The following CR1L variants were observed in gnomAD, a reference collection of about 807,000 sequenced individuals.
The protein encoded by CR1L is complement component receptor 1-like protein.
In CR1L, 59 loss-of-function variants were observed where a neutral mutation model predicts 62.3. The observed-to-expected ratio is 0.95, with a 90% CI of 0.77 to 1.18. The LOEUF (loss-of-function observed/expected upper bound fraction) is 1.18. CR1L is among the 50% of genes most tolerant of loss of function. The pLI is 0.00. For synonymous variants in CR1L, 279 were observed against 248.7 expected, an observed-to-expected ratio of 1.12 and a Z score of -1.15; for missense variants, 700 against 702.8, an observed-to-expected ratio of 1.00 and a Z score of 0.04.
intron 4 of CR1L, among the ~76,000 whole-genome samples, chr1:207,689,584 G>T (rs975970577): frequency 3.9e-5 from 6 of 152,004 alleles, no homozygotes; most frequent in African/African-American, 1.4e-4. Flanking sequence ...TTATTTTAAT[G>T]TCCTTATCAG....
Position 207,646,645 on chromosome 1 carries a change from A to G in CR1L, c.97+1315A>G, listed in dbSNP as rs1308695830. Among the ~76,000 whole-genome samples, 3 of 146,654 alleles carry G rather than the reference A, an allele frequency of 2.0e-5. No homozygotes were observed. The South Asian group carries it at 6.7e-4, about 33-fold the overall frequency. ...AGGATCGCTTGAGCCCAGGAGGAGAAGACTGCAGTGAGCTGTGATCATGCC... is the reference window on the plus strand; with the variant it reads ...AGGATCGCTTGAGCCCAGGAGGAGAGGACTGCAGTGAGCTGTGATCATGCC... On this transcript the variant is annotated intron_variant, in intron 1 of 11. Transcript: ENST00000508064.
chr1:207,718,500 C>T (rs1186468338), intron 11 of CR1L, among the ~76,000 whole-genome samples: 1 of 152,190 alleles, frequency 6.6e-6, no homozygotes, highest in Non-Finnish European at 1.5e-5. Context: ...CGGCTCAATG[C>T]AACCCCCGCC....
intron 3 of CR1L, among the ~76,000 whole-genome samples, chr1:207,679,684 T>C (rs1455496884): frequency 2.0e-5 from 3 of 152,208 alleles, no homozygotes; most frequent in African/African-American, 7.2e-5. Context: ...TGCCAAAACT[T>C]GGAAGCAATC....
chr1:207,718,109 G>A (rs946409721), intron 11 of CR1L, among the ~76,000 whole-genome samples: 7 of 152,148 alleles, frequency 4.6e-5, no homozygotes, highest in Non-Finnish European at 7.3e-5. Context: ...AACTGATAAC[G>A]CTATAAAAGT....
chr1:207,678,623 G>A (rs1663743802), intron 3 of CR1L, among the ~76,000 whole-genome samples: 1 of 152,176 alleles, frequency 6.6e-6, no homozygotes, highest in African/African-American at 2.4e-5. Flanking sequence ...TCAAAGAAAG[G>A]GAAGGCCATT....
chr1:207,660,340 G>A (rs1663390528), intron 1 of CR1L, among the ~76,000 whole-genome samples: 1 of 152,206 alleles, frequency 6.6e-6, no homozygotes, highest in South Asian at 2.1e-4. Flanking sequence ...GGATCAGGCA[G>A]CAATATTGAC....
chr1:207,671,862 A>G lies in CR1L; in HGVS notation c.98-5527A>G, dbSNP rs539182313. ...CTTGAACCTGGGAGGCAGAGGTTGCAGTGAGCCGAGATCATGCCACTACAC... is the reference window on the plus strand; with the variant it reads ...CTTGAACCTGGGAGGCAGAGGTTGCGGTGAGCCGAGATCATGCCACTACAC... On this transcript the variant is annotated intron_variant, in intron 1 of 11. Transcript: ENST00000508064. Among the ~76,000 whole-genome samples, 5 of 151,038 alleles carry G rather than the reference A, an allele frequency of 3.3e-5. No homozygotes were observed. The South Asian group carries it at 1.0e-3, about 31-fold the overall frequency.
intron 3 of CR1L, among the ~76,000 whole-genome samples, chr1:207,682,477 T>A (rs1204466908): frequency 1.3e-5 from 2 of 151,934 alleles, no homozygotes; most frequent in East Asian, 1.9e-4. Flanking sequence ...ATAATAATAA[T>A]AAATAACCAA....
At chr1:207,677,621 T>A (rs745901662) in intron 2 of CR1L, 53 bp downstream of exon 2, 82 of 1,566,302 alleles carry the variant, frequency 5.2e-5, no homozygotes, top group Middle Eastern at 5.1e-4. Context: ...CTGTAAGATC[T>A]GATTCAATTT....
At chr1:207,703,757 C>A (rs11118421) in intron 9 of CR1L, among the ~76,000 whole-genome samples, 4 of 152,166 alleles carry the variant, frequency 2.6e-5, no homozygotes, top group Non-Finnish European at 5.9e-5. Context: ...GATTTCAAGA[C>A]CAGCCTGGCC....
chr1:207,647,967 G>A (rs540200685), intron 1 of CR1L, among the ~76,000 whole-genome samples: 125 of 152,194 alleles, frequency 8.2e-4, no homozygotes, highest in Admixed American at 2.6e-3. Context: ...CATACAGCCT[G>A]GGCATCATAA....
At position 207,645,332 on chromosome 1, in the gene CR1L, T is replaced by C. The variant is rs977137557; in HGVS notation, c.97+2T>C. 1 of 1,613,522 alleles carries C rather than the reference T, an allele frequency of 6.2e-7. No homozygotes were observed. Among genetic ancestry groups the C allele is most frequent in the African/African-American group, 1.3e-5 (1 of 74,884 alleles). ...TGTTGCTGCTGTCCTCCTTCTCCGG[T>C]AGGACCCCGGGGTGGATTCGCGCGT... On this transcript the variant is annotated splice_donor_variant, in intron 1 of 11. Coordinates refer to ENST00000508064, the MANE Select transcript of CR1L (RefSeq NM_175710.2). LOFTEE classifies it high-confidence loss of function.
chr1:207,713,292 T>C (rs1034254803), intron 10 of CR1L, among the ~76,000 whole-genome samples: 6 of 152,236 alleles, frequency 3.9e-5, no homozygotes, highest in African/African-American at 1.4e-4. Context: ...ATTGTTTGCC[T>C]CATAATAAGG....
At position 207,679,475 on chromosome 1, in the gene CR1L, T is replaced by A. The variant is rs555687303; in HGVS notation, c.377+1178T>A. Among the ~76,000 whole-genome samples the A allele has an allele frequency of 4.6e-5, 7 of 152,188 alleles. No homozygotes were observed. In the East Asian group the frequency reaches 1.4e-3, roughly 29 times the overall value. On this transcript the variant is annotated intron_variant, in intron 3 of 11. Transcript: ENST00000508064. Reference sequence around the variant, plus strand: ...ATTTCAGGGGTGAGGGGAACATAATTCTCATGCATTGCTGGTAGGAATGCA... The same window carrying A: ...ATTTCAGGGGTGAGGGGAACATAATACTCATGCATTGCTGGTAGGAATGCA...
intron 10 of CR1L, chr1:207,710,621 G>A: frequency 6.2e-7 from 1 of 1,610,024 alleles, no homozygotes; most frequent in Non-Finnish European, 8.5e-7. Flanking sequence ...ACCTCCAAAT[G>A]TGGAAAATGG....
At chr1:207,710,059 A>T (rs1461628208) in intron 10 of CR1L, among the ~76,000 whole-genome samples, 3 of 152,030 alleles carry the variant, frequency 2.0e-5, no homozygotes, top group Non-Finnish European at 4.4e-5. Context: ...ATTTTAAGAA[A>T]CCATGCCGGG....
At position 207,662,466 on chromosome 1, in the gene CR1L, C is replaced by T. The variant is rs975282427; in HGVS notation, c.98-14923C>T. 7.9e-5 allele frequency among the ~76,000 whole-genome samples: 12 copies of T among 152,192 alleles called. No individual in the cohort carries two copies. In the South Asian group the frequency reaches 8.3e-4, roughly 10 times the overall value. ...GCTACTGAGGCTTGTGCATTCGTCA[C>T]GTAGTTCTCGTGCCATAGTTTTCAG... On this transcript the variant is annotated intron_variant, in intron 1 of 11. Transcript: ENST00000508064.
In CR1L at chr1:207,697,570, C is replaced by G; in HGVS notation, c.930C>G (p.Pro310=). 1 of 1,613,780 alleles carries G rather than the reference C, an allele frequency of 6.2e-7. No homozygotes were observed. Among genetic ancestry groups the G allele is most frequent in the African/African-American group, 1.3e-5 (1 of 75,018 alleles). The change falls in exon 6 of 12, where the codon CCC becomes CCG. Residue 310 remains proline (P), a synonymous_variant. Transcript: ENST00000508064. ...AAAGGGACAAGGACAACTTTTCACCCGGGCAGGAAGTGTTCTACAGCTGTG... is the reference window on the plus strand; with the variant it reads ...AAAGGGACAAGGACAACTTTTCACCGGGGCAGGAAGTGTTCTACAGCTGTG... ...RTQRDKDNFS[P]GQEVFYSCEP...
intron 10 of CR1L, chr1:207,710,720 C>A: frequency 6.2e-7 from 1 of 1,609,786 alleles, no homozygotes; most frequent in East Asian, 2.2e-5. Context: ...GAAAGGACCC[C>A]CCGCACCGTG....
Sources: gnomAD v4.1 joint callset for allele counts (sites outside exome capture counted in the v4.1 genomes callset) on GRCh38, gnomAD v4.1.1 for gene constraint, MANE v1.5 for transcripts, NCBI Gene and HGNC (gene_info 2026-07-23, HGNC 2026-07-21) for gene names.